The following DPPA2 variants were observed in gnomAD, a reference collection of about 807,000 sequenced individuals.
DPPA2 encodes developmental pluripotency-associated protein 2.
In DPPA2, 26 loss-of-function variants were observed where a neutral mutation model predicts 36.2. The ratio of observed to expected loss-of-function variants is 0.72; its 90% confidence interval spans 0.53 to 1.00. The LOEUF is 1.00. Ranked by LOEUF, DPPA2 falls within the 50% of genes least tolerant of loss-of-function variation. DPPA2 has a pLI of 0.00. For missense variants in DPPA2, 361 were observed against 365.1 expected (o/e 0.99, Z 0.09); for synonymous variants, 113 against 123.2 (o/e 0.92, Z 0.55).
At chr3:109,308,849 C>T (rs546995989) in intron 5 of DPPA2, among the ~76,000 whole-genome samples, 177 bp downstream of exon 5, 32 of 152,270 alleles carry the variant, frequency 2.1e-4, no homozygotes, top group African/African-American at 7.5e-4. Context: ...AAACATACTA[C>T]AATGTACAGG....
At chr3:109,307,400 G>A (rs1473282066) in intron 6 of DPPA2, among the ~76,000 whole-genome samples, 2 of 151,824 alleles carry the variant, frequency 1.3e-5, no homozygotes, top group Non-Finnish European at 2.9e-5. Flanking sequence ...TCAGGGGTTC[G>A]AGACCAGCCT....
intron 1 of DPPA2, among the ~76,000 whole-genome samples, chr3:109,316,027 T>A (rs1707778811): frequency 6.6e-6 from 1 of 152,194 alleles, no homozygotes; most frequent in Non-Finnish European, 1.5e-5. Flanking sequence ...GCTGAGGGGC[T>A]GAGGAATCTG....
rs779689859 is a variant in DPPA2 at position 109,304,609 on chromosome 3, G to A, written c.720C>T (p.Arg240=). The change falls in exon 7 of 9, where the codon CGC becomes CGT. Residue 240 remains arginine, a synonymous_variant. Transcript: ENST00000478945. ...LLSADTKGWV[R]LQFHAGQAWV... Reference sequence around the variant, plus strand: ...AGGCCTGACCTGCATGAAACTGCAGGCGTACCCAACCCTTTGTGTCTGCCG... The same window carrying A: ...AGGCCTGACCTGCATGAAACTGCAGACGTACCCAACCCTTTGTGTCTGCCG... 29 of 1,613,802 alleles carry A rather than the reference G, an allele frequency of 1.8e-5. No individual in the cohort carries two copies. The highest frequency in any genetic ancestry group is 2.5e-5 in the Non-Finnish European group (29 of 1,179,974).
rs1018965460 is a variant in DPPA2, at chr3:109,293,922, C to T, written c.*105G>A. On this transcript the variant is annotated 3_prime_UTR_variant, in exon 9 of 9. Transcript: ENST00000478945. ...GTCACTATGATTTTGTTTTGTAGAT[C>T]ATGAGGATTCATTCAAATTGTCTCC... The T allele has an allele frequency of 6.6e-6, 1 of 152,160 alleles. No individual in the cohort carries two copies. The highest frequency in any genetic ancestry group is 1.5e-5 in the Non-Finnish European group (1 of 68,026). 9.4% of individuals were successfully genotyped at this position (152,160 alleles called of 1,614,324 possible).
At chr3:109,298,673 C>T (rs958630842) in intron 8 of DPPA2, among the ~76,000 whole-genome samples, 4 of 147,706 alleles carry the variant, frequency 2.7e-5, no homozygotes, top group African/African-American at 1.0e-4. Flanking sequence ...CTGAGATCGG[C>T]GTCACTGCAC....
rs142314329 is a variant in DPPA2 at position 109,314,561 on chromosome 3, G to C, written c.-13-6C>G. The C allele has an allele frequency of 6.2e-7, 1 of 1,608,210 alleles. No homozygotes were observed. The highest frequency in any genetic ancestry group is 8.5e-7 in the Non-Finnish European group (1 of 1,176,070). On this transcript the variant is annotated splice_region_variant and splice_polypyrimidine_tract_variant and intron_variant, in intron 1 of 8. Coordinates refer to ENST00000478945, the MANE Select transcript of DPPA2 (RefSeq NM_138815.4). ...CTGACATTTTCAGCAACACCCTGGG[G>C]AAGGCAAGGACAGCAATGTTAAGGA...
At chr3:109,300,235 G>C (rs892781248) in intron 8 of DPPA2, 136 bp downstream of exon 8, 5 of 688,740 alleles carry the variant, frequency 7.3e-6, no homozygotes, top group African/African-American at 1.8e-5. Context: ...CAGCAGACAA[G>C]AGACTTTGAT....
At chr3:109,314,617 C>T in intron 1 of DPPA2, 62 bp from the exon 2 acceptor site, 1 of 1,473,046 alleles carries the variant, frequency 6.8e-7, no homozygotes, top group Non-Finnish European at 9.3e-7. Flanking sequence ...AACCTGCTTT[C>T]TCCTTTTATA....
chr3:109,308,359 T>G (rs1707619147), intron 5 of DPPA2, 66 bp from the exon 6 acceptor site: 2 of 1,529,704 alleles, frequency 1.3e-6, no homozygotes, highest in African/African-American at 1.4e-5. Flanking sequence ...TTGGGTCAAT[T>G]TTATTATTCT....
At chr3:109,309,791 C>T (rs1707663284) in intron 3 of DPPA2, among the ~76,000 whole-genome samples, 1 of 145,272 alleles carries the variant, frequency 6.9e-6, no homozygotes, top group Admixed American at 6.9e-5. Flanking sequence ...AATGAGGTAA[C>T]AAGGCCGGGC....
At chr3:109,294,964 T>C (rs978043942) in intron 8 of DPPA2, among the ~76,000 whole-genome samples, 13 of 152,084 alleles carry the variant, frequency 8.5e-5, no homozygotes, top group African/African-American at 2.9e-4. Context: ...GAGGTTGCTG[T>C]GAGCCAAGAT....
intron 1 of DPPA2, among the ~76,000 whole-genome samples, chr3:109,316,015 A>AGGCTGAGG (rs1225067035): frequency 1.3e-5 from 2 of 152,194 alleles, no homozygotes; most frequent in Non-Finnish European, 2.9e-5. Flanking sequence ...ATGGAGGGTG[A>AGGCTGAGG]GGCTGAGGGG....
rs187311600 is a variant in DPPA2, at chr3:109,293,850, T to C, written c.*177A>G. 1.3e-5 allele frequency: 2 copies of C among 152,262 alleles called. No individual in the cohort carries two copies. Among genetic ancestry groups the C allele is most frequent in the African/African-American group, 4.8e-5 (2 of 41,584 alleles). The allele number at this position is 152,262 out of a possible 1,614,324, so 9.4% of individuals were successfully genotyped here. A position where few individuals can be genotyped will look rare whatever the true frequency, so the allele number is the denominator to read the frequency against. ...TTCAGACATACAGAAAGGGATTCTT[T>C]AGATGGGGCTGTGTCACTAGTCAAC... is the stretch of plus-strand genomic sequence containing the variant. On this transcript the variant is annotated 3_prime_UTR_variant, in exon 9 of 9. Coordinates refer to ENST00000478945, the MANE Select transcript of DPPA2 (RefSeq NM_138815.4).
intron 2 of DPPA2, among the ~76,000 whole-genome samples, chr3:109,313,160 T>G (rs1707738066): frequency 6.6e-6 from 1 of 152,228 alleles, no homozygotes; most frequent in Non-Finnish European, 1.5e-5. Flanking sequence ...TCTGCACCGA[T>G]TGTTCCATGC....
chr3:109,296,051 G>A (rs780186663), intron 8 of DPPA2, among the ~76,000 whole-genome samples: 42 of 152,180 alleles, frequency 2.8e-4, no homozygotes, highest in Admixed American at 2.0e-3. Context: ...CAAGAATTGC[G>A]AGGCAATTAC....
At position 109,304,610 on chromosome 3, in the gene DPPA2, C is replaced by T. The variant is rs1459790407; in HGVS notation, c.719G>A (p.Arg240His). 2.0e-5 allele frequency: 33 copies of T among 1,613,888 alleles called. No homozygotes were observed. Among genetic ancestry groups the T allele is most frequent in the Non-Finnish European group, 2.5e-5 (29 of 1,179,954 alleles). The change falls in exon 7 of 9, where the codon CGC becomes CAC. Residue 240 changes from arginine (R) to histidine (H), a missense_variant. By Grantham distance (29) the Arg-to-His change is conservative (BLOSUM62 0). Coordinates refer to ENST00000478945, the MANE Select transcript of DPPA2 (RefSeq NM_138815.4). ...LLSADTKGWV[R>H]LQFHAGQAWV... ...GGCCTGACCTGCATGAAACTGCAGG[C>T]GTACCCAACCCTTTGTGTCTGCCGA...
At chr3:109,294,436 G>C (rs1286088115) in intron 8 of DPPA2, among the ~76,000 whole-genome samples, 3 of 152,208 alleles carry the variant, frequency 2.0e-5, no homozygotes, top group African/African-American at 7.2e-5. Flanking sequence ...CTCCGTGTAA[G>C]TTTGGGCTCA....
At chr3:109,310,618 G>A (rs1343929426) in intron 3 of DPPA2, among the ~76,000 whole-genome samples, 8 of 151,022 alleles carry the variant, frequency 5.3e-5, no homozygotes, top group African/African-American at 1.7e-4. Flanking sequence ...CAATTCTCCT[G>A]CCTCAGCCTC....
In DPPA2 at chr3:109,308,201, A is replaced by C; in HGVS notation, c.489T>G (p.Tyr163Ter). The change falls in exon 6 of 9, where the codon TAT becomes TAG. Residue 163 changes from tyrosine to a stop codon, truncating the protein, a stop_gained. Coordinates refer to ENST00000478945, the MANE Select transcript of DPPA2 (RefSeq NM_138815.4). LOFTEE classifies it high-confidence loss of function. ...TCTCTTCTGCTCTCTCATTCATCTCATAACTTCTCTGAAGCCTTGCTCTCT... is the reference window on the plus strand; with the variant it reads ...TCTCTTCTGCTCTCTCATTCATCTCCTAACTTCTCTGAAGCCTTGCTCTCT... ...VTKRARLQRS[Y>*]EMNERAEETN... is the part of the protein sequence containing the mutation. The C allele has an allele frequency of 1.2e-6, 2 of 1,614,174 alleles. No individual in the cohort carries two copies. Among genetic ancestry groups the C allele is most frequent in the Non-Finnish European group, 8.5e-7 (1 of 1,180,024 alleles).
Sources: allele counts gnomAD v4.1 joint callset (sites outside exome capture counted in the v4.1 genomes callset), GRCh38; gene constraint gnomAD v4.1.1; transcripts MANE v1.5; gene names NCBI Gene and HGNC (gene_info 2026-07-23, HGNC 2026-07-21).